AMELX: variants seen among roughly 807,000 people sequenced by gnomAD.
AMELX encodes amelogenin, X isoform.
In AMELX, 9 loss-of-function variants were observed where a neutral mutation model predicts 15.8. That is an observed-to-expected ratio of 0.57 (90% CI 0.34 to 0.99). The LOEUF (loss-of-function observed/expected upper bound fraction) is 0.99. AMELX is among the 50% of genes least tolerant of loss of function. The probability of loss-of-function intolerance (pLI) is 0.02; values close to 1 mark genes in which losing one functional copy is unlikely to be tolerated. For synonymous variants in AMELX, 61 were observed against 58.8 expected, an observed-to-expected ratio of 1.04 and a Z score of -0.17; for missense variants, 107 against 156.2, an observed-to-expected ratio of 0.68 and a Z score of 1.68.
At chrX:11,308,571 C>T in the AMELX span, among the ~76,000 whole-genome samples, 55 of 111,312 alleles carry the variant, frequency 4.9e-4, no homozygotes, top group African/African-American at 1.7e-3. Flanking sequence ...AAAAGGGCAA[C>T]CTATGCCCTT....
chrX:11,296,878 G>A (rs1399794877), intron 3 of AMELX, 52 bp downstream of exon 3: 2 of 1,163,098 alleles, frequency 1.7e-6, no homozygotes, highest in Non-Finnish European at 2.3e-6. Flanking sequence ...ACAATGCCCT[G>A]GGCTCTGTAA....
At position 11,294,815 on chromosome X, in the gene AMELX, C is replaced by T. The variant is rs1382845702; in HGVS notation, c.27C>T (p.Cys9=). 2 of 1,211,723 alleles carry T rather than the reference C, an allele frequency of 1.7e-6. No individual in the cohort carries two copies. Among genetic ancestry groups the T allele is most frequent in the South Asian group, 3.5e-5 (2 of 56,980 alleles). ...TGGGGACCTGGATTTTATTTGCCTG[C>T]CTCCTGGGAGCAGCTTTTGCCATGC... MGTWILFA[C]LLGAAFAMPL... The change falls in exon 2 of 6, where the codon TGC becomes TGT. Residue 9 remains cysteine (C), a synonymous_variant. Coordinates refer to ENST00000380714, the MANE Select transcript of AMELX (RefSeq NM_001142.2).
At chrX:11,296,156 T>TGTTCTGGC (rs2048080604) in intron 2 of AMELX, among the ~76,000 whole-genome samples, 1 of 112,776 alleles carries the variant, frequency 8.9e-6, no homozygotes, top group Non-Finnish European at 1.9e-5. Flanking sequence ...CCACCCATCT[T>TGTTCTGGC]GTTCTGGCAT....
downstream of AMELX, among the ~76,000 whole-genome samples, chrX:11,305,336 T>C (rs758752552): frequency 8.9e-6 from 1 of 112,148 alleles, no homozygotes; most frequent in Non-Finnish European, 1.9e-5. Flanking sequence ...AATATATCCA[T>C]GTAAGAAAGC....
chrX:11,294,867 G>T (rs778080525), intron 2 of AMELX, 25 bp downstream of exon 2: 1 of 1,206,869 alleles, frequency 8.3e-7, no homozygotes, highest in Middle Eastern at 2.3e-4. Context: ...CCTTGCATAA[G>T]TCAGTGTCCA....
the AMELX span, among the ~76,000 whole-genome samples, chrX:11,305,940 T>C: frequency 8.9e-6 from 1 of 111,990 alleles, no homozygotes; most frequent in African/African-American, 3.3e-5. Context: ...GCTGAGAATA[T>C]CTGACAGACC....
the AMELX span, among the ~76,000 whole-genome samples, chrX:11,307,481 T>C: frequency 8.9e-6 from 1 of 112,094 alleles, no homozygotes; most frequent in Admixed American, 9.4e-5. Context: ...GGGTCCTGAC[T>C]AGGGAAGGAA....
At chrX:11,302,772 T>C (rs149536248), downstream of AMELX, among the ~76,000 whole-genome samples, 3,528 of 110,815 alleles carry the variant, frequency 0.032, 61 homozygotes, top group Non-Finnish European at 0.049. Flanking sequence ...GTGGTTATGG[T>C]ATTCATTATC....
chrX:11,300,110 T>C (rs767746664), intron 5 of AMELX, among the ~76,000 whole-genome samples: 1 of 112,074 alleles, frequency 8.9e-6, no homozygotes, highest in South Asian at 3.7e-4. Flanking sequence ...AAGGCACATG[T>C]TCTCTCTGTA....
intron 3 of AMELX, among the ~76,000 whole-genome samples, chrX:11,297,869 G>A (rs1237094567): frequency 2.7e-5 from 3 of 112,005 alleles, no homozygotes; most frequent in African/African-American, 9.7e-5. Flanking sequence ...TGTTTGTTTT[G>A]CTCTTACAAT....
the AMELX span, among the ~76,000 whole-genome samples, chrX:11,307,872 GT>G: frequency 1.3e-4 from 14 of 111,978 alleles, no homozygotes; most frequent in Non-Finnish European, 2.1e-4. Flanking sequence ...TGATTTGATA[GT>G]TGCTATTACT....
intron 1 of AMELX, 91 bp from the exon 2 acceptor site, chrX:11,294,686 G>A (rs1417107852): frequency 3.2e-6 from 3 of 935,910 alleles, no homozygotes; most frequent in Non-Finnish European, 4.6e-6. Flanking sequence ...ACTAGCAATA[G>A]ACTAATGTAG....
Position 11,294,989 on chromosome X carries a change from G to A in AMELX, c.54+147G>A. ...TCTGGGTTGAAGAAACACTTCAGGAGCTTGTTTTAAAAAGGTATATTCTCA... is the reference window on the plus strand; with the variant it reads ...TCTGGGTTGAAGAAACACTTCAGGAACTTGTTTTAAAAAGGTATATTCTCA... On this transcript the variant is annotated intron_variant, in intron 2 of 5. Coordinates refer to ENST00000380714, the MANE Select transcript of AMELX (RefSeq NM_001142.2). 5.9e-6 allele frequency: 4 copies of A among 683,632 alleles called. No homozygotes were observed. In the South Asian group the frequency reaches 1.0e-4, roughly 17 times the overall value. The allele number at this position is 683,632 out of a possible 1,213,427, so 56.3% of individuals were successfully genotyped here. A position where few individuals can be genotyped will look rare whatever the true frequency, so the allele number is the denominator to read the frequency against.
downstream of AMELX, among the ~76,000 whole-genome samples, chrX:11,304,280 G>A (rs951998116): frequency 3.6e-5 from 4 of 110,046 alleles, no homozygotes; most frequent in Non-Finnish European, 7.6e-5. Flanking sequence ...AGTAGAAACG[G>A]GGTTTCACCA....
the AMELX span, among the ~76,000 whole-genome samples, chrX:11,308,917 T>C: frequency 8.9e-6 from 1 of 111,909 alleles, no homozygotes; most frequent in Non-Finnish European, 1.9e-5. Context: ...AATATACACG[T>C]CTTGGCAATG....
chrX:11,296,707 CCT>C, intron 2 of AMELX, 70 bp from the exon 3 acceptor site: 1 of 1,064,095 alleles, frequency 9.4e-7, no homozygotes, highest in Non-Finnish European at 1.3e-6. Flanking sequence ...TTAATCTCTT[CCT>C]CTCTCTTCTC....
chrX:11,308,407 T>C, the AMELX span, among the ~76,000 whole-genome samples: 2 of 112,080 alleles, frequency 1.8e-5, no homozygotes, highest in South Asian at 7.5e-4. Flanking sequence ...CTTTATTGTA[T>C]GCAAACAACA....
At position 11,298,868 on chromosome X, in the gene AMELX, G is replaced by A; in HGVS notation, c.465G>A (p.Gln155=). The stretch of plus-strand genomic sequence containing the variant: ...ACCCCATGCAGCCCCTGCCGCCACA[G>A]CCACCTCTGCCTCCGATGTTCCCCA... The part of the protein sequence containing the change: ...PVHPMQPLPP[Q]PPLPPMFPMQ... The change falls in exon 5 of 6, where the codon CAG becomes CAA. Residue 155 remains glutamine, a synonymous_variant. Coordinates refer to ENST00000380714, the MANE Select transcript of AMELX (RefSeq NM_001142.2). 1 of 1,210,900 alleles carries A rather than the reference G, an allele frequency of 8.3e-7. No homozygotes were observed. The highest frequency in any genetic ancestry group is 2.2e-5 in the Admixed American group (1 of 45,922).
downstream of AMELX, among the ~76,000 whole-genome samples, chrX:11,303,998 A>G (rs2048204402): frequency 8.9e-6 from 1 of 112,106 alleles, no homozygotes; most frequent in African/African-American, 3.2e-5. Flanking sequence ...GTAGACTCCC[A>G]AAGAGAACAC....
Sources: gnomAD v4.1 joint callset for allele counts (sites outside exome capture counted in the v4.1 genomes callset) on GRCh38, gnomAD v4.1.1 for gene constraint, MANE v1.5 for transcripts, NCBI Gene and HGNC (gene_info 2026-07-23, HGNC 2026-07-21) for gene names.